The following RAI14 variants were observed in gnomAD, a reference collection of about 807,000 sequenced individuals.
RAI14 encodes ankycorbin.
RAI14 carries 45 observed loss-of-function variants against 115.4 expected under a neutral mutation model. The ratio of observed to expected loss-of-function variants is 0.39; its 90% CI spans 0.31 to 0.50. The LOEUF is 0.50. Ranked by LOEUF, RAI14 falls within the 20% of genes least tolerant of loss-of-function variation. The probability of loss-of-function intolerance (pLI) is 0.85; values close to 1 mark genes in which losing one functional copy is unlikely to be tolerated. For missense variants in RAI14, 939 were observed against 1,131.2 expected (o/e 0.83, Z 2.44); for synonymous variants, 371 against 415.4 (o/e 0.89, Z 1.30).
At chr5:34,761,435 T>C (rs1748639085) in intron 3 of RAI14, among the ~76,000 whole-genome samples, 1 of 152,328 alleles carries the variant, frequency 6.6e-6, no homozygotes, top group African/African-American at 2.4e-5. Context: ...CATGTCAGCT[T>C]CCCAAAGTGT....
intron 1 of RAI14, among the ~76,000 whole-genome samples, chr5:34,678,385 C>T (rs1447247882): frequency 2.0e-5 from 3 of 152,122 alleles, no homozygotes; most frequent in African/African-American, 7.2e-5. Context: ...TGTGCCCCTC[C>T]ACCCCATTTC....
rs1561329849 is a variant in RAI14, at chr5:34,764,540, TCTCTCTC to T, written c.167+6943_167+6949del. On this transcript the variant is annotated intron_variant, in intron 3 of 17. Transcript: ENST00000265109. ...GCCCAGGAAGCACAGGTGAATTTTCTCTCTCTCTCTCTCTCTCTCTCTCTCTCTCTCA... is the reference window on the plus strand; with the variant it reads ...GCCCAGGAAGCACAGGTGAATTTTCTTCTCTCTCTCTCTCTCTCTCTCTCA... Among the ~76,000 whole-genome samples the T allele has an allele frequency of 1.6e-3, 230 of 142,068 alleles. 1 individual carries two copies. Among genetic ancestry groups the T allele is most frequent in the African/African-American group, 5.0e-3 (204 of 40,646 alleles). 93.2% of individuals were successfully genotyped at this position (142,068 alleles called of 152,430 possible).
At chr5:34,673,034 C>T (rs370553849) in intron 1 of RAI14, among the ~76,000 whole-genome samples, 1 of 152,162 alleles carries the variant, frequency 6.6e-6, no homozygotes, top group African/African-American at 2.4e-5. Context: ...AATGCTATTT[C>T]CAGACCCCAA....
chr5:34,674,586 G>GTT (rs370599165), intron 1 of RAI14, among the ~76,000 whole-genome samples: 4,431 of 132,420 alleles, frequency 0.033, 316 homozygotes, highest in African/African-American at 0.12. Context: ...CGGATCTTTT[G>GTT]TTTTTTTTTT....
intron 3 of RAI14, among the ~76,000 whole-genome samples, chr5:34,784,393 GA>G (rs1388825186): frequency 6.6e-6 from 1 of 152,156 alleles, no homozygotes; most frequent in African/African-American, 2.4e-5. Context: ...TTCAAAAATT[GA>G]AACAATTTTG....
At chr5:34,830,228 C>G (rs1190593873) in intron 17 of RAI14, among the ~76,000 whole-genome samples, 7 of 152,164 alleles carry the variant, frequency 4.6e-5, no homozygotes, top group Admixed American at 3.9e-4. Flanking sequence ...AAGCAATCCA[C>G]CCGCTTCGGC....
intron 2 of RAI14, among the ~76,000 whole-genome samples, chr5:34,752,222 T>TAA (rs11375336): frequency 3.3e-5 from 5 of 151,864 alleles, no homozygotes; most frequent in South Asian, 4.1e-4. Flanking sequence ...ATTTAGCCTA[T>TAA]AAAAAAACCT....
chr5:34,750,311 A>C (rs940309674), intron 2 of RAI14, among the ~76,000 whole-genome samples: 9 of 152,110 alleles, frequency 5.9e-5, no homozygotes, highest in African/African-American at 1.9e-4. Context: ...ACTTGGGCTT[A>C]GGAGTGGGCT....
intron 2 of RAI14, among the ~76,000 whole-genome samples, chr5:34,719,817 C>T (rs746397877): frequency 6.6e-6 from 1 of 152,112 alleles, no homozygotes; most frequent in Non-Finnish European, 1.5e-5. Flanking sequence ...GACGCACCAG[C>T]GAAGCCAAGG....
intron 3 of RAI14, among the ~76,000 whole-genome samples, chr5:34,784,341 G>A (rs190364567): frequency 6.6e-6 from 1 of 152,024 alleles, no homozygotes. Flanking sequence ...ACCTTCAATT[G>A]GTTTAAATTT....
intron 13 of RAI14, among the ~76,000 whole-genome samples, chr5:34,821,209 A>G (rs931882426): frequency 3.9e-5 from 6 of 152,334 alleles, no homozygotes; most frequent in East Asian, 1.9e-4. Context: ...CAATCAAAGT[A>G]TGTTTTAGGA....
At chr5:34,794,844 T>C (rs1296281525) in intron 3 of RAI14, among the ~76,000 whole-genome samples, 1 of 152,200 alleles carries the variant, frequency 6.6e-6, no homozygotes, top group African/African-American at 2.4e-5. Context: ...TATCGGACTT[T>C]CCAGTTGAAT....
At chr5:34,804,674 A>G (rs2150236845) in intron 5 of RAI14, among the ~76,000 whole-genome samples, 1 of 152,352 alleles carries the variant, frequency 6.6e-6, no homozygotes, top group South Asian at 2.1e-4. Flanking sequence ...CAGTTCCAAG[A>G]ATGCTTAACC....
At chr5:34,675,981 A>G (rs1254310826) in intron 1 of RAI14, among the ~76,000 whole-genome samples, 1 of 152,236 alleles carries the variant, frequency 6.6e-6, no homozygotes, top group African/African-American at 2.4e-5. Context: ...TGCTACTTCT[A>G]TAAATATTCG....
intron 3 of RAI14, among the ~76,000 whole-genome samples, chr5:34,785,251 C>T (rs1460190455): frequency 6.6e-6 from 1 of 152,154 alleles, no homozygotes; most frequent in Non-Finnish European, 1.5e-5. Context: ...TGGCCACCAT[C>T]AAAAATGATA....
At chr5:34,688,236 T>TAA in intron 2 of RAI14, 2 of 1,550,986 alleles carry the variant, frequency 1.3e-6, no homozygotes, top group Non-Finnish European at 8.7e-7. Flanking sequence ...GGCTTTCAGC[T>TAA]AAGGAGAAAA....
chr5:34,785,599 G>A (rs913280460), intron 3 of RAI14, among the ~76,000 whole-genome samples: 7 of 152,078 alleles, frequency 4.6e-5, no homozygotes, highest in South Asian at 2.1e-4. Flanking sequence ...TCACGTGGAC[G>A]GCCAGTGCTG....
intron 2 of RAI14, 123 bp downstream of exon 2, chr5:34,687,078 G>GC: frequency 9.9e-7 from 1 of 1,008,014 alleles, no homozygotes; most frequent in Non-Finnish European, 1.5e-6. Flanking sequence ...AGTGCTCTTG[G>GC]CCCCAGCTCA....
intron 1 of RAI14, among the ~76,000 whole-genome samples, chr5:34,665,493 CTTTTTTTTT>C (rs761118730): frequency 7.4e-6 from 1 of 134,660 alleles, no homozygotes; most frequent in Non-Finnish European, 1.6e-5. Flanking sequence ...ATTTTTTTTT[CTTTTTTTTT>C]TTTTTTCTCT....
Sources: allele counts gnomAD v4.1 joint callset (sites outside exome capture counted in the v4.1 genomes callset), GRCh38; gene constraint gnomAD v4.1.1; transcripts MANE v1.5; gene names NCBI Gene and HGNC (gene_info 2026-07-23, HGNC 2026-07-21).